Variants in STXBP5L observed in about 807,000 individuals in gnomAD.
STXBP5L encodes the protein syntaxin-binding protein 5-like.
Under a neutral mutation model 144.5 loss-of-function variants are expected in STXBP5L, and 65 were observed. That is an observed-to-expected ratio of 0.45 (90% CI 0.37 to 0.55). The LOEUF (loss-of-function observed/expected upper bound fraction) is 0.55. Ranked by LOEUF, STXBP5L falls within the 20% of genes least tolerant of loss-of-function variation. STXBP5L has a pLI of 0.00. For missense variants in STXBP5L, 1,298 were observed against 1,405.5 expected (o/e 0.92, Z 1.22); for synonymous variants, 505 against 469.6 (o/e 1.08, Z -0.97).
chr3:120,978,992 G>T (rs1029850515), intron 3 of STXBP5L, among the ~76,000 whole-genome samples: 2 of 152,198 alleles, frequency 1.3e-5, no homozygotes, highest in African/African-American at 4.8e-5. Flanking sequence ...TTGGGGGTCA[G>T]GGGTCAGGGA....
intron 20 of STXBP5L, among the ~76,000 whole-genome samples, chr3:121,341,031 A>C (rs567873272): frequency 4.1e-4 from 63 of 152,230 alleles, no homozygotes; most frequent in African/African-American, 1.1e-3. Context: ...AGCTAAAAAG[A>C]TTCTGCAGAA....
At chr3:121,007,327 T>G (rs1347130205) in intron 3 of STXBP5L, among the ~76,000 whole-genome samples, 1 of 152,030 alleles carries the variant, frequency 6.6e-6, no homozygotes, top group African/African-American at 2.4e-5. Context: ...CTAAAGAATA[T>G]TTGTCTGTAG....
intron 3 of STXBP5L, among the ~76,000 whole-genome samples, chr3:120,987,365 G>C (rs1942385258): frequency 6.6e-6 from 1 of 151,860 alleles, no homozygotes; most frequent in Non-Finnish European, 1.5e-5. Flanking sequence ...TTCATTTCAT[G>C]CTGGCTAATG....
chr3:121,003,935 C>G (rs1258627742), intron 3 of STXBP5L, among the ~76,000 whole-genome samples: 1 of 152,212 alleles, frequency 6.6e-6, no homozygotes, highest in Non-Finnish European at 1.5e-5. Flanking sequence ...CAGTACCACG[C>G]TGTTTTGGTT....
At chr3:121,358,420 G>C (rs1446355558) in intron 20 of STXBP5L, among the ~76,000 whole-genome samples, 1 of 152,160 alleles carries the variant, frequency 6.6e-6, no homozygotes, top group Non-Finnish European at 1.5e-5. Context: ...ACTCATGGTG[G>C]ACAGTGAAGG....
At chr3:121,272,772 A>G (rs1464874166) in intron 18 of STXBP5L, among the ~76,000 whole-genome samples, 3 of 151,956 alleles carry the variant, frequency 2.0e-5, no homozygotes, top group Non-Finnish European at 4.4e-5. Context: ...TATCTCATAT[A>G]TACCTACTAT....
At chr3:121,143,681 G>T (rs904172825) in intron 7 of STXBP5L, among the ~76,000 whole-genome samples, 1 of 151,704 alleles carries the variant, frequency 6.6e-6, no homozygotes, top group African/African-American at 2.4e-5. Flanking sequence ...CTTTGACAAG[G>T]GTGCCAAGAA....
intron 5 of STXBP5L, among the ~76,000 whole-genome samples, chr3:121,107,131 T>C (rs750824493): frequency 6.6e-5 from 10 of 152,284 alleles, no homozygotes; most frequent in African/African-American, 9.6e-5. Flanking sequence ...TCCTTGTAGA[T>C]TCTGGATGTT....
chr3:121,212,651 G>A (rs974088769), intron 10 of STXBP5L, among the ~76,000 whole-genome samples: 9 of 152,102 alleles, frequency 5.9e-5, no homozygotes, highest in Admixed American at 1.3e-4. Context: ...GTAGCATGAT[G>A]CCTCCAGCTT....
intron 9 of STXBP5L, among the ~76,000 whole-genome samples, chr3:121,180,055 T>A (rs941330686): frequency 6.6e-6 from 1 of 152,114 alleles, no homozygotes; most frequent in East Asian, 1.9e-4. Context: ...TTACTAGAGA[T>A]CTAGACATCC....
intron 3 of STXBP5L, among the ~76,000 whole-genome samples, chr3:121,025,314 A>T (rs78939593): frequency 0.015 from 2,208 of 152,224 alleles, 48 homozygotes; most frequent in African/African-American, 0.049. Context: ...TACACAGTAG[A>T]TTGAGGGAGT....
intron 22 of STXBP5L, among the ~76,000 whole-genome samples, chr3:121,385,975 T>C (rs1398819563): frequency 6.6e-6 from 1 of 152,206 alleles, no homozygotes; most frequent in African/African-American, 2.4e-5. Context: ...TTTTTAATGC[T>C]AAGTCTAAAC....
At chr3:121,310,327 T>G (rs1284921406) in intron 19 of STXBP5L, among the ~76,000 whole-genome samples, 1 of 152,240 alleles carries the variant, frequency 6.6e-6, no homozygotes, top group Non-Finnish European at 1.5e-5. Flanking sequence ...AGGCCAGGCA[T>G]GGGCTGGGCA....
At position 120,991,797 on chromosome 3, in the gene STXBP5L, A is replaced by T. The variant is rs1019318334; in HGVS notation, c.287+36760A>T. ...GGACACAGGGTGGCAAACATCACAC[A>T]CCGGGGCCTGTTGTGGGGTGGGGGC... On this transcript the variant is annotated intron_variant, in intron 3 of 26. Transcript: ENST00000471454. Among the ~76,000 whole-genome samples the T allele has an allele frequency of 2.9e-5, 4 of 137,456 alleles. No individual in the cohort carries two copies. The East Asian group carries it at 7.4e-4, about 26-fold the overall frequency. The allele number at this position is 137,456 out of a possible 152,430, so 90.2% of individuals were successfully genotyped here.
intron 19 of STXBP5L, among the ~76,000 whole-genome samples, chr3:121,315,176 A>G (rs1029698993): frequency 4.6e-5 from 7 of 152,182 alleles, no homozygotes; most frequent in African/African-American, 1.7e-4. Context: ...CTATAAAGAC[A>G]CATGCACACG....
Position 121,164,603 on chromosome 3 carries a change from C to T in STXBP5L, c.877+6976C>T, listed in dbSNP as rs80194568. On this transcript the variant is annotated intron_variant, in intron 9 of 26. Coordinates refer to ENST00000471454, the MANE Select transcript of STXBP5L (RefSeq NM_001308330.2). Reference sequence around the variant, plus strand: ...GTTATCTGCACTCCCATGTTCATGACAATATTCACAATAGCCAAGATATGG... The same window carrying T: ...GTTATCTGCACTCCCATGTTCATGATAATATTCACAATAGCCAAGATATGG... 4.6e-5 allele frequency among the ~76,000 whole-genome samples: 7 copies of T among 152,266 alleles called. No homozygotes were observed. The East Asian group carries it at 1.4e-3, about 29-fold the overall frequency.
intron 3 of STXBP5L, among the ~76,000 whole-genome samples, chr3:121,001,868 C>T (rs893863490): frequency 6.6e-6 from 1 of 152,196 alleles, no homozygotes; most frequent in African/African-American, 2.4e-5. Flanking sequence ...CTAGCTGTGT[C>T]TAGTCAGCCA....
rs540700688 is a variant in STXBP5L at position 121,297,491 on chromosome 3, C to T, written c.2110+17535C>T. Among the ~76,000 whole-genome samples the T allele has an allele frequency of 3.2e-4, 49 of 152,200 alleles. No homozygotes were observed. In the South Asian group the frequency reaches 9.5e-3, roughly 30 times the overall value. On this transcript the variant is annotated intron_variant, in intron 19 of 26. Coordinates refer to ENST00000471454, the MANE Select transcript of STXBP5L (RefSeq NM_001308330.2). Reference sequence around the variant, plus strand: ...AAAAGAGGCTGGGCATGGTGGCTCACGCCTATAATCCTAGCACTTTGGGAG... The same window carrying T: ...AAAAGAGGCTGGGCATGGTGGCTCATGCCTATAATCCTAGCACTTTGGGAG...
At chr3:120,952,402 A>T (rs1375047082) in intron 2 of STXBP5L, among the ~76,000 whole-genome samples, 1 of 151,976 alleles carries the variant, frequency 6.6e-6, no homozygotes, top group Non-Finnish European at 1.5e-5. Context: ...TGTTCATTTT[A>T]TTCCTATATA....
Sources: allele counts gnomAD v4.1 joint callset (sites outside exome capture counted in the v4.1 genomes callset), GRCh38; gene constraint gnomAD v4.1.1; transcripts MANE v1.5; gene names NCBI Gene and HGNC (gene_info 2026-07-23, HGNC 2026-07-21).